Variants in NLRC5 observed in about 807,000 individuals in gnomAD.
NLRC5 encodes NLR family CARD domain containing 5, also known as protein NLRC5.
In NLRC5, 114 loss-of-function variants were observed where a neutral mutation model predicts 206.9. The observed-to-expected ratio is 0.55, with a 90% confidence interval of 0.47 to 0.64. The LOEUF (loss-of-function observed/expected upper bound fraction) is 0.64. Ranked by LOEUF, NLRC5 falls within the 30% of genes least tolerant of loss-of-function variation. NLRC5 has a pLI of 0.00. For missense variants in NLRC5, 2,008 were observed against 2,305.5 expected, an observed-to-expected ratio of 0.87 and a Z score of 2.64; for synonymous variants, 952 against 962.8, an observed-to-expected ratio of 0.99 and a Z score of 0.21.
At chr16:56,993,185 G>A (rs555410078) in intron 1 of NLRC5, among the ~76,000 whole-genome samples, 26 of 113,744 alleles carry the variant, frequency 2.3e-4, no homozygotes, top group Admixed American at 1.4e-3. Flanking sequence ...ACACACATGT[G>A]TACTTTTCCC....
At chr16:57,054,892 A>T in intron 25 of NLRC5, 52 bp downstream of exon 25, 1 of 1,593,608 alleles carries the variant, frequency 6.3e-7, no homozygotes, top group Non-Finnish European at 8.6e-7. Context: ...TTGTGCCTGG[A>T]GTCTGGTGGG....
chr16:57,079,781 C>G, intron 46 of NLRC5, 152 bp downstream of exon 46: 2 of 616,646 alleles, frequency 3.2e-6, no homozygotes, highest in South Asian at 3.7e-5. Context: ...CATCCTTACT[C>G]AGACATCCTC....
chr16:57,077,866 C>T (rs746024160), intron 42 of NLRC5, 64 bp downstream of exon 42: 97 of 1,597,232 alleles, frequency 6.1e-5, no homozygotes, highest in African/African-American at 1.1e-4. Context: ...CCTCCTCTCC[C>T]GCAGTGGGCA....
At chr16:57,059,974 G>A (rs2144622402) in intron 30 of NLRC5, among the ~76,000 whole-genome samples, 1 of 151,940 alleles carries the variant, frequency 6.6e-6, no homozygotes, top group African/African-American at 2.4e-5. Flanking sequence ...AGTATAAAGT[G>A]CCAGGAAAAG....
At chr16:57,040,913 G>A (rs900807507) in intron 17 of NLRC5, among the ~76,000 whole-genome samples, 195 bp downstream of exon 17, 8 of 152,014 alleles carry the variant, frequency 5.3e-5, no homozygotes, top group African/African-American at 1.5e-4. Context: ...GGCTCACAAG[G>A]CAGCCCCGTC....
intron 1 of NLRC5, among the ~76,000 whole-genome samples, chr16:57,007,772 A>G (rs1251745653): frequency 6.6e-6 from 1 of 151,984 alleles, no homozygotes; most frequent in African/African-American, 2.4e-5. Context: ...CTTTTTTGTA[A>G]ACCTTTTATG....
intron 23 of NLRC5, 27 bp from the exon 24 acceptor site, chr16:57,051,511 A>G (rs1376183571): frequency 1.4e-5 from 22 of 1,583,324 alleles, no homozygotes; most frequent in Non-Finnish European, 1.7e-5. Flanking sequence ...GGTTTCCCCC[A>G]CCTCATCCAC....
intron 4 of NLRC5, 43 bp from the exon 5 acceptor site, chr16:57,023,742 A>G (rs1672865): frequency 0.61 from 948,821 of 1,561,022 alleles, 290,813 homozygotes; most frequent in East Asian, 0.91. Context: ...CTCAGCCCAG[A>G]TCCCCAGACC....
At chr16:57,057,635 A>T (rs1467062192) in intron 27 of NLRC5, among the ~76,000 whole-genome samples, 1 of 152,144 alleles carries the variant, frequency 6.6e-6, no homozygotes, top group African/African-American at 2.4e-5. Flanking sequence ...GGTGAAGGCA[A>T]ATTGGTTTTT....
At chr16:57,033,574 C>A (rs1044706299) in intron 11 of NLRC5, 30 bp from the exon 12 acceptor site, 15 of 1,611,702 alleles carry the variant, frequency 9.3e-6, no homozygotes, top group African/African-American at 1.3e-5. Flanking sequence ...ATGCCTGAGC[C>A]CAGGCCAATG....
intron 34 of NLRC5, 78 bp downstream of exon 34, chr16:57,066,692 C>A (rs1367472529): frequency 2.4e-6 from 3 of 1,272,908 alleles, no homozygotes; most frequent in African/African-American, 2.9e-5. Flanking sequence ...CCAATATTCA[C>A]CACCCTGCCC....
chr16:56,991,319 C>T, intron 1 of NLRC5, among the ~76,000 whole-genome samples: 1 of 151,948 alleles, frequency 6.6e-6, no homozygotes, highest in Non-Finnish European at 1.5e-5. Context: ...AACACACATA[C>T]CCTCTTCCCC....
intron 19 of NLRC5, among the ~76,000 whole-genome samples, chr16:57,042,362 A>G (rs181745368): frequency 6.6e-6 from 1 of 152,046 alleles, no homozygotes; most frequent in Non-Finnish European, 1.5e-5. Flanking sequence ...GCGAAGTATG[A>G]CTAACGGCTG....
At position 57,022,248 on chromosome 16, in the gene NLRC5, T is replaced by A. The variant is rs2060752205; in HGVS notation, c.296-8T>A. 6.2e-7 allele frequency: 1 copy of A among 1,610,506 alleles called. No homozygotes were observed. The highest frequency in any genetic ancestry group is 1.7e-5 in the Admixed American group (1 of 59,916). ...CCATACCACATTATACTCTCCCCTC[T>A]CTTGCAGGGTTCACCAGCCAGCTGG... On this transcript the variant is annotated splice_region_variant and splice_polypyrimidine_tract_variant and intron_variant, in intron 3 of 48. Coordinates refer to ENST00000688547, the MANE Select transcript of NLRC5 (RefSeq NM_001384950.1).
intron 39 of NLRC5, chr16:57,075,837 G>A (rs960996545): frequency 6.6e-6 from 1 of 152,388 alleles, no homozygotes; most frequent in Non-Finnish European, 1.5e-5. Context: ...GTTCCAGGAG[G>A]TTATATCATA....
chr16:57,031,722 C>A (rs1313598223), intron 11 of NLRC5, among the ~76,000 whole-genome samples: 1 of 148,286 alleles, frequency 6.7e-6, no homozygotes, highest in Non-Finnish European at 1.5e-5. Flanking sequence ...TTGGGGAGAA[C>A]ATAAAGATAC....
chr16:57,068,853 G>T (rs1270973552), intron 36 of NLRC5, among the ~76,000 whole-genome samples: 3 of 152,140 alleles, frequency 2.0e-5, no homozygotes, highest in Non-Finnish European at 4.4e-5. Flanking sequence ...GCCCTTCTTT[G>T]TCTTTCATAG....
chr16:57,028,288 T>C lies in NLRC5; in HGVS notation c.2160-14T>C. The C allele has an allele frequency of 6.2e-7, 1 of 1,613,220 alleles. No individual in the cohort carries two copies. The highest frequency in any genetic ancestry group is 8.5e-7 in the Non-Finnish European group (1 of 1,179,172). On this transcript the variant is annotated splice_polypyrimidine_tract_variant and intron_variant, in intron 7 of 48. Transcript: ENST00000688547. ...CCTCCTCGTTCCTCCCCACCATCTT[T>C]GCTTACTCTGTAGGTTAGCAGGAAG...
At chr16:57,056,880 A>T (rs1294685306) in intron 27 of NLRC5, among the ~76,000 whole-genome samples, 1 of 151,670 alleles carries the variant, frequency 6.6e-6, no homozygotes, top group East Asian at 2.0e-4. Context: ...GCTGGTCTTG[A>T]ACTCCTGACC....
Sources: gnomAD v4.1 joint callset for allele counts (sites outside exome capture counted in the v4.1 genomes callset) on GRCh38, gnomAD v4.1.1 for gene constraint, MANE v1.5 for transcripts, NCBI Gene and HGNC (gene_info 2026-07-23, HGNC 2026-07-21) for gene names.